The following MTA3 variants were observed in gnomAD, a reference collection of about 807,000 sequenced individuals.
The protein encoded by MTA3 is metastasis associated 1 family member 3.
A neutral mutation model predicts 83.5 loss-of-function variants in MTA3; 34 were observed. That is an observed-to-expected ratio of 0.41 (90% CI 0.31 to 0.54). MTA3 has a LOEUF of 0.54. MTA3 is among the 20% of genes least tolerant of loss of function. The probability of loss-of-function intolerance (pLI) is 0.33; values close to 1 mark genes in which losing one functional copy is unlikely to be tolerated. For synonymous variants in MTA3, 303 were observed against 252.7 expected (o/e 1.20, Z -1.89); for missense variants, 761 against 726.4 (o/e 1.05, Z -0.55).
chr2:42,698,123 G>A (rs1693551818), intron 11 of MTA3, among the ~76,000 whole-genome samples: 1 of 152,186 alleles, frequency 6.6e-6, no homozygotes, highest in Admixed American at 6.5e-5. Flanking sequence ...ATTATTTGAA[G>A]CAAATGTGTT....
intron 4 of MTA3, among the ~76,000 whole-genome samples, chr2:42,636,690 G>C (rs530391075): frequency 6.8e-6 from 1 of 146,188 alleles, no homozygotes; most frequent in Non-Finnish European, 1.5e-5. Context: ...GCAGTGGTGC[G>C]ATCTCGGCTC....
intron 16 of MTA3, among the ~76,000 whole-genome samples, chr2:42,753,043 G>C (rs937360322): frequency 1.3e-5 from 2 of 151,712 alleles, no homozygotes; most frequent in South Asian, 2.1e-4. Context: ...TCCCCCCTCA[G>C]CCTCCTGAAG....
intron 16 of MTA3, among the ~76,000 whole-genome samples, chr2:42,727,494 G>A (rs1447726431): frequency 6.6e-6 from 1 of 152,180 alleles, no homozygotes; most frequent in Non-Finnish European, 1.5e-5. Flanking sequence ...GCTGTGAGTA[G>A]GTGAGGGCTT....
At chr2:42,752,988 G>A (rs1016001143) in intron 16 of MTA3, among the ~76,000 whole-genome samples, 3 of 150,718 alleles carry the variant, frequency 2.0e-5, no homozygotes, top group African/African-American at 4.9e-5. Flanking sequence ...GCCGTGGTGC[G>A]ACCACAGCTC....
At chr2:42,625,746 C>CAAA (rs58956321) in intron 4 of MTA3, among the ~76,000 whole-genome samples, 1 of 51,214 alleles carries the variant, frequency 2.0e-5, no homozygotes, top group Non-Finnish European at 4.1e-5. Flanking sequence ...GACTCCATCT[C>CAAA]AAAAAAAAAA....
chr2:42,718,174 G>A (rs550620347), intron 14 of MTA3, among the ~76,000 whole-genome samples: 20 of 142,264 alleles, frequency 1.4e-4, no homozygotes, highest in Non-Finnish European at 2.4e-4. Flanking sequence ...CATGGTTATT[G>A]TAGGCATGAC....
chr2:42,678,579 T>G (rs1002254050), intron 8 of MTA3, among the ~76,000 whole-genome samples: 3 of 152,170 alleles, frequency 2.0e-5, no homozygotes, highest in African/African-American at 7.2e-5. Context: ...TCCGCCTGCA[T>G]TGGCCTCCCA....
intron 3 of MTA3, among the ~76,000 whole-genome samples, chr2:42,593,152 CAA>C (rs879664699): frequency 7.8e-6 from 1 of 129,012 alleles, no homozygotes; most frequent in Admixed American, 8.4e-5. Context: ...GGCTCTGTCT[CAA>C]AAAAAAAAAA....
At chr2:42,656,108 C>T in intron 6 of MTA3, 92 bp from the exon 7 acceptor site, 1 of 956,558 alleles carries the variant, frequency 1.0e-6, no homozygotes, top group Non-Finnish European at 1.6e-6. Flanking sequence ...TACACATAAA[C>T]ATTTCTAATG....
chr2:42,642,422 G>C (rs926974640), intron 5 of MTA3, among the ~76,000 whole-genome samples: 1 of 151,986 alleles, frequency 6.6e-6, no homozygotes, highest in East Asian at 1.9e-4. Flanking sequence ...TTGGGAGGTT[G>C]AGGCAGGAGG....
At chr2:42,724,331 C>CACACACACACACAT (rs1667658793) in intron 16 of MTA3, among the ~76,000 whole-genome samples, 1 of 144,868 alleles carries the variant, frequency 6.9e-6, no homozygotes, top group African/African-American at 2.6e-5. Flanking sequence ...CACACACACA[C>CACACACACACACAT]GTATATATTC....
chr2:42,731,709 A>T (rs1668242460), intron 16 of MTA3, among the ~76,000 whole-genome samples: 1 of 152,132 alleles, frequency 6.6e-6, no homozygotes, highest in South Asian at 2.1e-4. Flanking sequence ...TCATATCCTC[A>T]CATTTCAAAA....
At chr2:42,557,576 C>T (rs981384627) in intron 2 of MTA3, among the ~76,000 whole-genome samples, 5 of 152,160 alleles carry the variant, frequency 3.3e-5, no homozygotes, top group Non-Finnish European at 5.9e-5. Context: ...ATAATATAGT[C>T]CTGACCTGGC....
intron 2 of MTA3, among the ~76,000 whole-genome samples, chr2:42,511,121 C>T (rs1358426012): frequency 6.6e-6 from 1 of 152,170 alleles, no homozygotes; most frequent in Non-Finnish European, 1.5e-5. Flanking sequence ...AGAGGAAAGA[C>T]TGGGACTGGG....
chr2:42,682,745 C>T (rs1692039040), intron 9 of MTA3, 156 bp downstream of exon 9: 2 of 691,126 alleles, frequency 2.9e-6, no homozygotes, highest in Non-Finnish European at 4.8e-6. Context: ...AAGGGAGAAA[C>T]TGATAATTGT....
At chr2:42,512,227 A>T (rs989760408) in intron 2 of MTA3, among the ~76,000 whole-genome samples, 2 of 151,548 alleles carry the variant, frequency 1.3e-5, no homozygotes, top group Non-Finnish European at 2.9e-5. Flanking sequence ...GAGAAGATGC[A>T]TTTAGGTTGG....
At chr2:42,691,602 A>G (rs565440379) in intron 9 of MTA3, among the ~76,000 whole-genome samples, 24 of 152,238 alleles carry the variant, frequency 1.6e-4, no homozygotes, top group African/African-American at 5.1e-4. Flanking sequence ...TGTACTTACT[A>G]TTACCAGCAG....
intron 2 of MTA3, among the ~76,000 whole-genome samples, chr2:42,496,755 A>G (rs1674155812): frequency 6.6e-6 from 1 of 151,846 alleles, no homozygotes; most frequent in Non-Finnish European, 1.5e-5. Context: ...CTCATGTCAA[A>G]CTCTGCTCAC....
At position 42,711,783 on chromosome 2, in the gene MTA3, A is replaced by AGTGTGTGTGTGTGTGT. The variant is rs763894802; in HGVS notation, c.1525+2704_1525+2719dup. ...CTGGGAGTGTATAGGAGAGAGAGAG[A>AGTGTGTGTGTGTGTGT]GTGTGTGTGTGTGTGTGTGTGTGTG... is the stretch of plus-strand genomic sequence containing the variant. On this transcript the variant is annotated intron_variant, in intron 14 of 16. Coordinates refer to ENST00000405094, the MANE Select transcript of MTA3 (RefSeq NM_001330442.2). Among the ~76,000 whole-genome samples the AGTGTGTGTGTGTGTGT allele has an allele frequency of 1.2e-3, 171 of 147,736 alleles. 1 individual carries two copies. Among genetic ancestry groups the AGTGTGTGTGTGTGTGT allele is most frequent in the African/African-American group, 4.0e-3 (157 of 39,478 alleles).
Sources: allele counts gnomAD v4.1 joint callset (sites outside exome capture counted in the v4.1 genomes callset), GRCh38; gene constraint gnomAD v4.1.1; transcripts MANE v1.5; gene names NCBI Gene and HGNC (gene_info 2026-07-23, HGNC 2026-07-21).